The following XNDC1N variants were observed in gnomAD, a reference collection of about 807,000 sequenced individuals.
XNDC1N encodes XRCC1 N-terminal domain containing 1, N-terminal like.
the XNDC1N span, chr11:71,903,546 G>T: frequency 1.4e-6 from 1 of 689,974 alleles, no homozygotes. Flanking sequence ...TGAGTGTGAT[G>T]GCCTACGACC....
the XNDC1N span, chr11:71,914,364 G>A: frequency 2.2e-6 from 1 of 456,010 alleles, no homozygotes; most frequent in African/African-American, 2.0e-5. Flanking sequence ...CTTCAGTGGA[G>A]GAAATTAACT....
chr11:71,889,025 G>C, the XNDC1N span, among the ~76,000 whole-genome samples: 3 of 152,184 alleles, frequency 2.0e-5, no homozygotes, highest in Non-Finnish European at 4.4e-5. Flanking sequence ...CCCCCAAGGA[G>C]AGGTGGAGGG....
At chr11:71,896,280 C>T in the XNDC1N span, among the ~76,000 whole-genome samples, 5 of 152,132 alleles carry the variant, frequency 3.3e-5, no homozygotes, top group African/African-American at 9.7e-5. Context: ...CTCCATCACA[C>T]ACCTGCACAC....
chr11:71,917,545 T>A, the XNDC1N span: 1 of 703,700 alleles, frequency 1.4e-6, no homozygotes, highest in South Asian at 1.5e-5. Context: ...CTAATAGCAC[T>A]CACAGTCCTC....
chr11:71,874,585 G>A, the XNDC1N span, among the ~76,000 whole-genome samples: 1 of 152,182 alleles, frequency 6.6e-6, no homozygotes, highest in Non-Finnish European at 1.5e-5. Flanking sequence ...AAAAGTAGAT[G>A]TCAAGTAAAT....
the XNDC1N span, among the ~76,000 whole-genome samples, chr11:71,907,723 G>A: frequency 6.6e-6 from 1 of 152,078 alleles, no homozygotes; most frequent in Non-Finnish European, 1.5e-5. Flanking sequence ...AGTTGGGGAC[G>A]TGTCCACTTT....
chr11:71,907,349 G>A, the XNDC1N span, among the ~76,000 whole-genome samples: 1 of 151,564 alleles, frequency 6.6e-6, no homozygotes, highest in Non-Finnish European at 1.5e-5. Context: ...AGGGGGGTGA[G>A]GCGCCCCCCG....
the XNDC1N span, among the ~76,000 whole-genome samples, chr11:71,884,136 AATTC>A: frequency 2.0e-5 from 3 of 152,216 alleles, no homozygotes; most frequent in Admixed American, 1.3e-4. Context: ...CAAGCTGGAT[AATTC>A]ATTTTAGGTA....
the XNDC1N span, among the ~76,000 whole-genome samples, chr11:71,871,407 A>T: frequency 6.6e-6 from 1 of 152,340 alleles, no homozygotes; most frequent in South Asian, 2.1e-4. Context: ...ATGGTCAAAC[A>T]GTACAAAGCC....
At chr11:71,916,295 G>A in the XNDC1N span, 4 of 699,312 alleles carry the variant, frequency 5.7e-6, no homozygotes, top group Admixed American at 4.0e-5. Flanking sequence ...GAATGGAAAT[G>A]CATAAATGGG....
the XNDC1N span, among the ~76,000 whole-genome samples, chr11:71,908,607 G>C: frequency 6.6e-6 from 1 of 152,014 alleles, no homozygotes; most frequent in Non-Finnish European, 1.5e-5. Flanking sequence ...GTGTTTTTGG[G>C]TACCAGCCCT....
At chr11:71,893,798 T>G in the XNDC1N span, 2 of 1,066,698 alleles carry the variant, frequency 1.9e-6, no homozygotes, top group South Asian at 2.6e-5. Flanking sequence ...TTTGCATGTA[T>G]AGAAGGCATG....
the XNDC1N span, among the ~76,000 whole-genome samples, chr11:71,890,317 T>A: frequency 3.3e-5 from 5 of 152,164 alleles, no homozygotes; most frequent in Non-Finnish European, 5.9e-5. Context: ...TGTACGCCTG[T>A]CGCGAAATTC....
chr11:71,883,675 G>T, the XNDC1N span, among the ~76,000 whole-genome samples: 1 of 151,094 alleles, frequency 6.6e-6, no homozygotes, highest in East Asian at 1.9e-4. Flanking sequence ...TCATGATGTT[G>T]GTCATGGCAA....
At chr11:71,926,789 T>C in the XNDC1N span, among the ~76,000 whole-genome samples, 1 of 151,816 alleles carries the variant, frequency 6.6e-6, no homozygotes, top group Non-Finnish European at 1.5e-5. Flanking sequence ...TAATCCCAGC[T>C]ACTGAGGAGG....
the XNDC1N span, among the ~76,000 whole-genome samples, chr11:71,876,635 A>G: frequency 1.4e-4 from 21 of 152,346 alleles, no homozygotes; most frequent in Middle Eastern, 0.01. Context: ...ACCAGCCTAC[A>G]TCAGGCTGGC....
At chr11:71,907,788 T>A in the XNDC1N span, among the ~76,000 whole-genome samples, 1 of 152,236 alleles carries the variant, frequency 6.6e-6, no homozygotes, top group South Asian at 2.1e-4. Flanking sequence ...GGGAACGATA[T>A]CCTTGGGGGT....
the XNDC1N span, among the ~76,000 whole-genome samples, chr11:71,898,873 C>G: frequency 1.3e-5 from 2 of 152,034 alleles, no homozygotes; most frequent in East Asian, 1.9e-4. Flanking sequence ...AATGTTTATA[C>G]TGGCCATTCT....
chr11:71,916,338 A>T, the XNDC1N span: 1 of 668,206 alleles, frequency 1.5e-6, no homozygotes, highest in Non-Finnish European at 2.7e-6. Flanking sequence ...AATACTAAGG[A>T]AAAGAGCTAT....
Sources: allele counts gnomAD v4.1 joint callset (sites outside exome capture counted in the v4.1 genomes callset), GRCh38; gene constraint gnomAD v4.1.1; transcripts MANE v1.5; gene names NCBI Gene and HGNC (gene_info 2026-07-23, HGNC 2026-07-21).